The following RALYL variants were observed in gnomAD, a reference collection of about 807,000 sequenced individuals.
RALYL encodes RALY RNA binding protein like.
RALYL carries 29 observed loss-of-function variants against 35.1 expected under a neutral mutation model. That is an observed-to-expected ratio of 0.83 (90% CI 0.61 to 1.13). The LOEUF is 1.13. Ranked by LOEUF, RALYL falls within the 50% of genes most tolerant of loss-of-function variation. The pLI is 0.00. For missense variants in RALYL, 359 were observed against 360.4 expected (o/e 1.00, Z 0.03); for synonymous variants, 120 against 127.6 (o/e 0.94, Z 0.40).
At chr8:84,596,765 A>G (rs995841440) in intron 2 of RALYL, among the ~76,000 whole-genome samples, 1 of 152,154 alleles carries the variant, frequency 6.6e-6, no homozygotes, top group African/African-American at 2.4e-5. Flanking sequence ...AGGTGACTAG[A>G]GAGGTAGCAA....
At chr8:84,208,369 A>G (rs1818585650) in intron 1 of RALYL, among the ~76,000 whole-genome samples, 1 of 152,172 alleles carries the variant, frequency 6.6e-6, no homozygotes, top group South Asian at 2.1e-4. Flanking sequence ...AAACATTATC[A>G]TGAGTAATCC....
At chr8:84,287,031 T>C (rs1837750846) in intron 1 of RALYL, among the ~76,000 whole-genome samples, 2 of 152,230 alleles carry the variant, frequency 1.3e-5, no homozygotes. Context: ...TCTTGGCTAC[T>C]GTTTTAAGCT....
At chr8:84,796,011 G>A (rs1414510927) in intron 3 of RALYL, among the ~76,000 whole-genome samples, 1 of 152,138 alleles carries the variant, frequency 6.6e-6, no homozygotes, top group Non-Finnish European at 1.5e-5. Context: ...CTACACCCTT[G>A]TAAGTAGCCA....
chr8:84,561,286 A>T (rs557704668), intron 2 of RALYL, among the ~76,000 whole-genome samples: 45 of 152,162 alleles, frequency 3.0e-4, no homozygotes, highest in African/African-American at 1.0e-3. Flanking sequence ...AAAGTATAAT[A>T]TATAGGAACA....
At chr8:84,743,664 A>G (rs80149342) in intron 2 of RALYL, among the ~76,000 whole-genome samples, 4,823 of 152,084 alleles carry the variant, frequency 0.032, 248 homozygotes, top group African/African-American at 0.11. Context: ...TTATCTTAAC[A>G]TGCTACAACA....
intron 2 of RALYL, among the ~76,000 whole-genome samples, chr8:84,611,544 A>G (rs959069030): frequency 1.1e-4 from 16 of 152,152 alleles, no homozygotes; most frequent in African/African-American, 3.9e-4. Flanking sequence ...GAATGAACAC[A>G]TACACACACA....
At chr8:84,756,046 C>T (rs1811320945) in intron 2 of RALYL, among the ~76,000 whole-genome samples, 2 of 151,918 alleles carry the variant, frequency 1.3e-5, no homozygotes, top group Non-Finnish European at 2.9e-5. Context: ...ATGGAGGCAA[C>T]CTACATTTTT....
At chr8:84,526,645 C>T (rs2134858379) in intron 1 of RALYL, among the ~76,000 whole-genome samples, 1 of 152,344 alleles carries the variant, frequency 6.6e-6, no homozygotes, top group East Asian at 1.9e-4. Flanking sequence ...TCTTTGTCTG[C>T]ATAGCTCTCT....
intron 1 of RALYL, among the ~76,000 whole-genome samples, chr8:84,390,253 A>T (rs1315539860): frequency 6.6e-6 from 1 of 152,070 alleles, no homozygotes; most frequent in African/African-American, 2.4e-5. Flanking sequence ...CCAGTATTTT[A>T]TTGAGGATTT....
chr8:84,239,134 G>C (rs191069952), intron 1 of RALYL, among the ~76,000 whole-genome samples: 145 of 152,242 alleles, frequency 9.5e-4, no homozygotes, highest in Middle Eastern at 3.4e-3. Context: ...TTCTCCTCTT[G>C]ATGTATGGTT....
chr8:84,244,672 G>A (rs1828712774), intron 1 of RALYL, among the ~76,000 whole-genome samples: 1 of 152,148 alleles, frequency 6.6e-6, no homozygotes, highest in Non-Finnish European at 1.5e-5. Flanking sequence ...CTCAAAAACT[G>A]CTTCAAACAA....
chr8:84,540,710 C>G (rs1336083729), intron 2 of RALYL, among the ~76,000 whole-genome samples: 2 of 151,882 alleles, frequency 1.3e-5, no homozygotes. Context: ...CCTACTTTTC[C>G]TGTTATCTGG....
chr8:84,208,260 G>A (rs1424351420), intron 1 of RALYL, among the ~76,000 whole-genome samples: 1 of 152,128 alleles, frequency 6.6e-6, no homozygotes, highest in African/African-American at 2.4e-5. Flanking sequence ...AAAAATTTTA[G>A]TGTTTGAAAT....
chr8:84,475,583 C>A (rs572856992), intron 1 of RALYL, among the ~76,000 whole-genome samples: 1 of 152,138 alleles, frequency 6.6e-6, no homozygotes, highest in Admixed American at 6.5e-5. Flanking sequence ...TAGACATACA[C>A]CAAAGAAAAG....
intron 6 of RALYL, among the ~76,000 whole-genome samples, chr8:84,865,691 T>C (rs1455101298): frequency 6.6e-6 from 1 of 152,156 alleles, no homozygotes; most frequent in Non-Finnish European, 1.5e-5. Flanking sequence ...AGCTGTAGTT[T>C]CTTAGTGGAA....
intron 2 of RALYL, among the ~76,000 whole-genome samples, chr8:84,682,483 G>T (rs1051646872): frequency 6.6e-6 from 1 of 152,110 alleles, no homozygotes; most frequent in African/African-American, 2.4e-5. Flanking sequence ...ACGTTTTTTG[G>T]TTGGTAGGCT....
intron 1 of RALYL, among the ~76,000 whole-genome samples, chr8:84,291,716 G>A (rs1838803556): frequency 6.6e-6 from 1 of 151,698 alleles, no homozygotes; most frequent in Admixed American, 6.6e-5. Flanking sequence ...TTGAATGGGA[G>A]GTCTTGTATT....
At position 84,193,860 on chromosome 8, in the gene RALYL, A is replaced by T. The variant is rs186381555; in HGVS notation, c.-24+9436A>T. Among the ~76,000 whole-genome samples the T allele has an allele frequency of 1.7e-3, 263 of 152,286 alleles. 1 individual carries two copies. Among genetic ancestry groups the T allele is most frequent in the Admixed American group, 3.7e-3 (57 of 15,298 alleles). On this transcript the variant is annotated intron_variant, in intron 1 of 8. Transcript: ENST00000521268. Reference sequence around the variant, plus strand: ...CTAGAAAGGCATCCACTTTGTGTAAAACAAAGTGAGGAGCTTTCCAGAGGT... The same window carrying T: ...CTAGAAAGGCATCCACTTTGTGTAATACAAAGTGAGGAGCTTTCCAGAGGT...
chr8:84,202,878 G>T (rs1013054130), intron 1 of RALYL, among the ~76,000 whole-genome samples: 1 of 151,896 alleles, frequency 6.6e-6, no homozygotes, highest in African/African-American at 2.4e-5. Flanking sequence ...TTTTCAGTAC[G>T]TACATGTATA....
Sources: gnomAD v4.1 joint callset for allele counts (sites outside exome capture counted in the v4.1 genomes callset) on GRCh38, gnomAD v4.1.1 for gene constraint, MANE v1.5 for transcripts, NCBI Gene and HGNC (gene_info 2026-07-23, HGNC 2026-07-21) for gene names.